IL2RB: variants seen among roughly 807,000 people sequenced by gnomAD.
The protein encoded by IL2RB is interleukin-2 receptor subunit beta.
Under a neutral mutation model 44.2 loss-of-function variants are expected in IL2RB, and 17 were observed. That is an observed-to-expected ratio of 0.38 (90% CI 0.26 to 0.58). The LOEUF (loss-of-function observed/expected upper bound fraction) is 0.58. Among genes scored for constraint, IL2RB ranks in the 20% least tolerant of loss-of-function variants. IL2RB has a pLI of 0.63. For missense variants in IL2RB, 624 were observed against 685.5 expected (o/e 0.91, Z 1.00); for synonymous variants, 286 against 297.9 (o/e 0.96, Z 0.41).
chr22:37,163,442 TG>T (rs1056254934), intron 1 of IL2RB, among the ~76,000 whole-genome samples: 6 of 151,760 alleles, frequency 4.0e-5, no homozygotes, highest in Non-Finnish European at 7.4e-5. Context: ...CAAAGAGAAA[TG>T]GGGGGGCCGC....
At chr22:37,130,307 G>C (rs3218364) in intron 9 of IL2RB, among the ~76,000 whole-genome samples, 1 of 152,206 alleles carries the variant, frequency 6.6e-6, no homozygotes, top group African/African-American at 2.4e-5. Flanking sequence ...GGCCAGTGCC[G>C]GTGAGCCAGG....
intron 1 of IL2RB, among the ~76,000 whole-genome samples, chr22:37,171,136 C>T (rs143680145): frequency 0.026 from 3,953 of 152,212 alleles, 174 homozygotes; most frequent in African/African-American, 0.089. Flanking sequence ...GGCGCGGCCA[C>T]CATGCCTGGC....
chr22:37,142,169 C>A (rs373433384), intron 4 of IL2RB, among the ~76,000 whole-genome samples: 6 of 152,188 alleles, frequency 3.9e-5, no homozygotes, highest in Non-Finnish European at 4.4e-5. Flanking sequence ...ACCCACAAAG[C>A]GCAGGGGAGA....
intron 1 of IL2RB, among the ~76,000 whole-genome samples, chr22:37,158,273 G>C (rs1487641736): frequency 6.6e-6 from 1 of 152,038 alleles, no homozygotes; most frequent in Non-Finnish European, 1.5e-5. Context: ...GGGAGGGCTG[G>C]GCGCGGTGGC....
intron 1 of IL2RB, among the ~76,000 whole-genome samples, chr22:37,170,444 A>C (rs942449214): frequency 6.6e-6 from 1 of 152,128 alleles, no homozygotes; most frequent in Admixed American, 6.5e-5. Flanking sequence ...CAGACTCTGC[A>C]CTGTCCCCGC....
At position 37,139,239 on chromosome 22, in the gene IL2RB, G is replaced by A. The variant is rs1280240200; in HGVS notation, c.283-17C>T. Reference sequence around the variant, plus strand: ...TTTCTGAGACTGCAAGGGAAGGAGGGCAGGGGTGAAACTTCTAGCAGCTTC... The same window carrying A: ...TTTCTGAGACTGCAAGGGAAGGAGGACAGGGGTGAAACTTCTAGCAGCTTC... On this transcript the variant is annotated splice_polypyrimidine_tract_variant and intron_variant, in intron 4 of 9. Coordinates refer to ENST00000216223, the MANE Select transcript of IL2RB (RefSeq NM_000878.5). 1 of 1,573,482 alleles carries A rather than the reference G, an allele frequency of 6.4e-7. No individual in the cohort carries two copies. The highest frequency in any genetic ancestry group is 2.3e-5 in the East Asian group (1 of 44,116).
chr22:37,174,634 T>C (rs1411837878), intron 1 of IL2RB, among the ~76,000 whole-genome samples: 1 of 152,250 alleles, frequency 6.6e-6, no homozygotes, highest in Non-Finnish European at 1.5e-5. Context: ...AACCCATTCA[T>C]ATCCCTAAAC....
Position 37,139,403 on chromosome 22 carries a change from C to T in IL2RB, c.283-181G>A, listed in dbSNP as rs3218287. On this transcript the variant is annotated intron_variant, in intron 4 of 9. Coordinates refer to ENST00000216223, the MANE Select transcript of IL2RB (RefSeq NM_000878.5). ...AACTATTTTTGGCTTTATGGGGCCA[C>T]ATGGTCTCTGTCACGATGACTCAAC... 4.7e-3 allele frequency among the ~76,000 whole-genome samples: 718 copies of T among 152,312 alleles called. 5 individuals carry two copies. Among genetic ancestry groups the T allele is most frequent in the African/African-American group, 0.017 (693 of 41,558 alleles).
intron 1 of IL2RB, 127 bp downstream of exon 1, chr22:37,149,698 G>A (rs945419499): frequency 3.5e-6 from 1 of 287,748 alleles, no homozygotes; most frequent in Non-Finnish European, 5.2e-6. Flanking sequence ...AGACAAAGTT[G>A]GGGGATGGGA....
rs186808441 is a variant in IL2RB at position 37,173,556 on chromosome 22, T to C, written c.-34+1402A>G. On this transcript the variant is annotated intron_variant, in intron 1 of 5. Transcript: ENST00000429622. ...TAATTTTTAACATTTATAGAGCACC[T>C]CCTACGTACCAGTATTTTACATATA... Among the ~76,000 whole-genome samples the C allele has an allele frequency of 2.0e-5, 3 of 152,346 alleles. No individual in the cohort carries two copies. In the East Asian group the frequency reaches 5.8e-4, roughly 29 times the overall value.
rs746313255 is a variant in IL2RB at position 37,128,392 on chromosome 22, T to C, written c.1360A>G (p.Arg454Gly). The C allele has an allele frequency of 1.3e-6, 2 of 1,510,692 alleles. No homozygotes were observed. The highest frequency in any genetic ancestry group is 1.8e-6 in the Non-Finnish European group (2 of 1,130,700). The allele number at this position is 1,510,692 out of a possible 1,614,324, so 93.6% of individuals were successfully genotyped here. ...APGGSGAGEE[R>G]MPPSLQERVP... is the part of the protein sequence containing the mutation. ...CTTTCTTGCAAAGAAGGGGGCATCC[T>C]CTCTTCACCGGCCCCACTGCCCCCA... Residue 454 changes from arginine (R) to glycine (G), a missense_variant, in exon 10 of 10, where the codon AGG becomes GGG. Around this residue, in one of 3 missense-constraint regions of IL2RB, gnomAD observed 291 missense variants for 275.5 expected, o/e 1.06. Coordinates refer to ENST00000216223, the MANE Select transcript of IL2RB (RefSeq NM_000878.5). The surrounding 1 kb of genome is among the most constrained non-coding windows in gnomAD (Gnocchi z 4.5).
At chr22:37,171,444 G>A (rs1353041147) in intron 1 of IL2RB, among the ~76,000 whole-genome samples, 2 of 152,078 alleles carry the variant, frequency 1.3e-5, no homozygotes, top group African/African-American at 2.4e-5. Context: ...TAAACATAAG[G>A]ACTAAGTAAG....
At chr22:37,133,172 A>G (rs752433136) in intron 8 of IL2RB, among the ~76,000 whole-genome samples, 3 of 152,174 alleles carry the variant, frequency 2.0e-5, no homozygotes, top group Non-Finnish European at 2.9e-5. Context: ...ATGGTGGAGA[A>G]AGCACTGAAG....
At chr22:37,163,741 C>T (rs564349181) in intron 1 of IL2RB, among the ~76,000 whole-genome samples, 8 of 152,218 alleles carry the variant, frequency 5.3e-5, no homozygotes, top group Non-Finnish European at 1.2e-4. Flanking sequence ...GAGGGATGCT[C>T]GTCTCCACCA....
chr22:37,173,325 G>A (rs1474940336), intron 1 of IL2RB, among the ~76,000 whole-genome samples: 3 of 152,140 alleles, frequency 2.0e-5, no homozygotes, highest in South Asian at 2.1e-4. Context: ...ACTGGAAGCC[G>A]CATGAGGGCA....
At position 37,127,998 on chromosome 22, in the gene IL2RB, C is replaced by T. The variant is rs1921207430; in HGVS notation, c.*98G>A. On this transcript the variant is annotated 3_prime_UTR_variant, in exon 10 of 10. Transcript: ENST00000216223. ...GGAGAAGTCCAGCTGCAACTGGACA[C>T]TGAGTGTCCTCAGCAGTGGACTGAG... 9.8e-7 allele frequency: 1 copy of T among 1,024,236 alleles called. No homozygotes were observed. Among genetic ancestry groups the T allele is most frequent in the African/African-American group, 1.7e-5 (1 of 59,450 alleles). The allele number at this position is 1,024,236 out of a possible 1,614,324, so 63.4% of individuals were successfully genotyped here.
chr22:37,166,275 C>G (rs951538686), intron 1 of IL2RB, among the ~76,000 whole-genome samples: 1 of 152,216 alleles, frequency 6.6e-6, no homozygotes, highest in African/African-American at 2.4e-5. Flanking sequence ...CCCGCCCCCC[C>G]ACCTCCTGCC....
chr22:37,135,242 T>TTG, intron 8 of IL2RB, 86 bp downstream of exon 8: 1 of 855,000 alleles, frequency 1.2e-6, no homozygotes, highest in African/African-American at 1.7e-5. Context: ...GTATGTGTGC[T>TTG]TGTGTGCGTG....
At chr22:37,157,564 G>C (rs1922723302) in intron 1 of IL2RB, among the ~76,000 whole-genome samples, 1 of 152,176 alleles carries the variant, frequency 6.6e-6, no homozygotes, top group African/African-American at 2.4e-5. Flanking sequence ...GGACTGAGGG[G>C]GGTTTCCAGA....
Sources: allele counts gnomAD v4.1 joint callset (sites outside exome capture counted in the v4.1 genomes callset), GRCh38; gene constraint gnomAD v4.1.1; regional missense constraint gnomAD v4.1.1; non-coding constraint Gnocchi (gnomAD v3.1); transcripts MANE v1.5; gene names NCBI Gene and HGNC (gene_info 2026-07-23, HGNC 2026-07-21).